The following AP3B1 variants were observed in gnomAD, a reference collection of about 807,000 sequenced individuals.
The protein encoded by AP3B1 is AP-3 complex subunit beta-1.
In AP3B1, 61 loss-of-function variants were observed where a neutral mutation model predicts 132.5. The observed-to-expected ratio is 0.46, with a 90% CI of 0.37 to 0.57. The LOEUF (loss-of-function observed/expected upper bound fraction) is 0.57. Among genes scored for constraint, AP3B1 ranks in the 20% least tolerant of loss-of-function variants. The probability of loss-of-function intolerance (pLI) is 0.00; values close to 1 mark genes in which losing one functional copy is unlikely to be tolerated. For missense variants in AP3B1, 1,120 were observed against 1,289.4 expected (o/e 0.87, Z 2.01); for synonymous variants, 388 against 438.3 (o/e 0.89, Z 1.43).
At chr5:78,058,457 G>A (rs773104201) in intron 22 of AP3B1, among the ~76,000 whole-genome samples, 63 of 151,826 alleles carry the variant, frequency 4.1e-4, no homozygotes, top group Non-Finnish European at 7.7e-4. Flanking sequence ...CCGAGACCGC[G>A]CCATTGCACT....
chr5:78,050,250 G>C (rs1239589776), intron 22 of AP3B1, among the ~76,000 whole-genome samples: 2 of 151,938 alleles, frequency 1.3e-5, no homozygotes, highest in East Asian at 3.9e-4. Context: ...CTTTTTTATA[G>C]ACACTTAATA....
intron 11 of AP3B1, among the ~76,000 whole-genome samples, chr5:78,166,315 T>G (rs929667673): frequency 6.6e-6 from 1 of 152,168 alleles, no homozygotes; most frequent in Non-Finnish European, 1.5e-5. Context: ...TCTTCACTAA[T>G]TGTCTGCCCA....
intron 8 of AP3B1, among the ~76,000 whole-genome samples, chr5:78,179,729 TTA>T (rs894241670): frequency 1.3e-5 from 2 of 152,250 alleles, no homozygotes; most frequent in Admixed American, 1.3e-4. Flanking sequence ...CAATGATGTA[TTA>T]TGTTTCCTGA....
At chr5:78,219,596 T>C (rs1006987322) in intron 6 of AP3B1, among the ~76,000 whole-genome samples, 1 of 152,098 alleles carries the variant, frequency 6.6e-6, no homozygotes, top group East Asian at 1.9e-4. Context: ...GTTTCTGTAA[T>C]ATCTTTTACC....
intron 20 of AP3B1, among the ~76,000 whole-genome samples, chr5:78,107,826 A>C (rs1751402349): frequency 6.6e-6 from 1 of 152,246 alleles, no homozygotes; most frequent in Non-Finnish European, 1.5e-5. Flanking sequence ...GGTTACTTTT[A>C]GCATTTGATG....
chr5:78,049,591 A>G (rs981114253), intron 22 of AP3B1, among the ~76,000 whole-genome samples: 4 of 152,148 alleles, frequency 2.6e-5, no homozygotes, highest in African/African-American at 9.7e-5. Flanking sequence ...CACCTGAGGG[A>G]GTCATCATGG....
chr5:78,261,674 C>G (rs1322119786), intron 2 of AP3B1, among the ~76,000 whole-genome samples: 1 of 150,718 alleles, frequency 6.6e-6, no homozygotes, highest in Non-Finnish European at 1.5e-5. Context: ...CTGTGTTGAC[C>G]AGGCTGGTCT....
At chr5:78,156,509 T>C in intron 13 of AP3B1, 142 bp from the exon 14 acceptor site, 2 of 669,120 alleles carry the variant, frequency 3.0e-6, no homozygotes, top group South Asian at 3.7e-5. Context: ...TAACCATGAG[T>C]GCGCTTCCAA....
At chr5:78,019,311 T>G (rs928072535) in intron 25 of AP3B1, among the ~76,000 whole-genome samples, 2 of 152,096 alleles carry the variant, frequency 1.3e-5, no homozygotes, top group Non-Finnish European at 2.9e-5. Context: ...AAAAATTTGA[T>G]CGAAATATTA....
intron 7 of AP3B1, among the ~76,000 whole-genome samples, chr5:78,205,751 A>C (rs1338352496): frequency 1.3e-5 from 2 of 152,194 alleles, no homozygotes; most frequent in East Asian, 3.8e-4. Context: ...GCTTACATAC[A>C]GCATACTATA....
At chr5:78,042,624 C>A (rs1044885123) in intron 22 of AP3B1, 2 of 192,360 alleles carry the variant, frequency 1.0e-5, no homozygotes, top group South Asian at 1.3e-4. Flanking sequence ...CAAGGCACTT[C>A]TTAACAATGT....
At chr5:78,110,737 TA>T (rs1561413172) in intron 19 of AP3B1, among the ~76,000 whole-genome samples, 8 of 151,404 alleles carry the variant, frequency 5.3e-5, no homozygotes, top group Non-Finnish European at 5.9e-5. Context: ...CATACATGTA[TA>T]TATATACGTA....
At chr5:78,144,844 G>GTTGTTGTTGTTGTTT (rs5868906) in intron 14 of AP3B1, among the ~76,000 whole-genome samples, 38 of 152,022 alleles carry the variant, frequency 2.5e-4, no homozygotes, top group Admixed American at 5.2e-4. Flanking sequence ...TGTTGTTGTT[G>GTTGTTGTTGTTGTTT]TTTTTTAAAG....
At chr5:78,293,098 C>T (rs1231212678) in intron 1 of AP3B1, among the ~76,000 whole-genome samples, 1 of 152,072 alleles carries the variant, frequency 6.6e-6, no homozygotes, top group Non-Finnish European at 1.5e-5. Context: ...AGGCTGGTCT[C>T]GAACTCCTGG....
intron 17 of AP3B1, among the ~76,000 whole-genome samples, chr5:78,123,411 A>G (rs1752316315): frequency 6.6e-6 from 1 of 152,204 alleles, no homozygotes; most frequent in Non-Finnish European, 1.5e-5. Context: ...TGAACAGGCA[A>G]TCTACAGAAT....
chr5:78,214,606 GA>G (rs1327964393), intron 7 of AP3B1, among the ~76,000 whole-genome samples: 1 of 151,758 alleles, frequency 6.6e-6, no homozygotes, highest in Non-Finnish European at 1.5e-5. Flanking sequence ...TTATACAATA[GA>G]AAAAAAATCT....
intron 21 of AP3B1, among the ~76,000 whole-genome samples, chr5:78,097,382 T>G (rs1163530705): frequency 1.0e-5 from 1 of 97,762 alleles, no homozygotes; most frequent in Non-Finnish European, 2.1e-5. Flanking sequence ...GGGAGGGAGG[T>G]AGGGGGTCAG....
At chr5:78,133,526 A>ACTAGATG (rs1404696101) in intron 15 of AP3B1, among the ~76,000 whole-genome samples, 1 of 152,192 alleles carries the variant, frequency 6.6e-6, no homozygotes, top group African/African-American at 2.4e-5. Flanking sequence ...CAAATCCTAA[A>ACTAGATG]CTAGATGGCA....
At chr5:78,140,342 G>T (rs543075167) in intron 15 of AP3B1, among the ~76,000 whole-genome samples, 1 of 152,156 alleles carries the variant, frequency 6.6e-6, no homozygotes, top group African/African-American at 2.4e-5. Flanking sequence ...AAATGTCTTA[G>T]TCCATTTGGG....
Sources: gnomAD v4.1 joint callset for allele counts (sites outside exome capture counted in the v4.1 genomes callset) on GRCh38, gnomAD v4.1.1 for gene constraint, MANE v1.5 for transcripts, NCBI Gene and HGNC (gene_info 2026-07-23, HGNC 2026-07-21) for gene names.